The following TCF7L2 variants were observed in gnomAD, a reference collection of about 807,000 sequenced individuals.
TCF7L2 encodes transcription factor 7-like 2.
Under a neutral mutation model 77.9 loss-of-function variants are expected in TCF7L2, and 23 were observed. The observed-to-expected ratio is 0.30, with a 90% CI of 0.21 to 0.42. The LOEUF is 0.42. Among genes scored for constraint, TCF7L2 ranks in the 10% least tolerant of loss-of-function variants. The pLI is 1.00. For missense variants in TCF7L2, 654 were observed against 793.1 expected (o/e 0.82, Z 2.11); for synonymous variants, 413 against 340.2 (o/e 1.21, Z -2.36).
intron 4 of TCF7L2, among the ~76,000 whole-genome samples, chr10:113,007,154 G>A (rs1414278167): frequency 6.6e-6 from 1 of 152,352 alleles, no homozygotes; most frequent in African/African-American, 2.4e-5. Context: ...ATGGGGGCAC[G>A]TTGTGTGAGA....
chr10:113,071,273 G>T (rs548891796), intron 5 of TCF7L2, among the ~76,000 whole-genome samples: 1 of 152,164 alleles, frequency 6.6e-6, no homozygotes, highest in Non-Finnish European at 1.5e-5. Context: ...TGCTGGGTTA[G>T]CCCAGGACTT....
intron 7 of TCF7L2, 63 bp from the exon 8 acceptor site, chr10:113,145,948 C>A: frequency 7.2e-7 from 1 of 1,379,334 alleles, no homozygotes; most frequent in South Asian, 1.2e-5. Context: ...CCCTTTTCTT[C>A]TTTTTCTTGT....
chr10:113,054,692 C>G (rs1591070343), intron 5 of TCF7L2, among the ~76,000 whole-genome samples: 1 of 152,174 alleles, frequency 6.6e-6, no homozygotes, highest in East Asian at 1.9e-4. Flanking sequence ...TCTTCCCTCC[C>G]AGGCTGTTAT....
intron 5 of TCF7L2, chr10:113,126,939 A>G (rs2065740247): frequency 1.5e-5 from 15 of 985,028 alleles, no homozygotes; most frequent in Non-Finnish European, 1.8e-5. Context: ...GGCCCGCTGC[A>G]TCCCGCGCGC....
intron 5 of TCF7L2, among the ~76,000 whole-genome samples, chr10:113,054,585 C>A (rs562118265): frequency 1.7e-3 from 253 of 151,960 alleles, no homozygotes; most frequent in Middle Eastern, 3.4e-3. Flanking sequence ...ACAACAACAA[C>A]AAAAAAATAC....
chr10:113,012,819 T>C (rs1201220243), intron 4 of TCF7L2, among the ~76,000 whole-genome samples: 1 of 152,202 alleles, frequency 6.6e-6, no homozygotes, highest in African/African-American at 2.4e-5. Flanking sequence ...ATATTTTTCT[T>C]AAAAATAACA....
At chr10:113,105,073 T>A (rs1410123294) in intron 5 of TCF7L2, among the ~76,000 whole-genome samples, 1 of 152,234 alleles carries the variant, frequency 6.6e-6, no homozygotes, top group Non-Finnish European at 1.5e-5. Context: ...TTACTGCTTC[T>A]GGACACAAAT....
intron 5 of TCF7L2, among the ~76,000 whole-genome samples, chr10:113,063,336 G>T (rs1334582081): frequency 6.6e-6 from 1 of 152,134 alleles, no homozygotes; most frequent in Non-Finnish European, 1.5e-5. Flanking sequence ...CATGGGCTTC[G>T]GGGGCCACCC....
chr10:113,154,299 C>T (rs2071385855), intron 11 of TCF7L2, among the ~76,000 whole-genome samples: 1 of 152,200 alleles, frequency 6.6e-6, no homozygotes, highest in Non-Finnish European at 1.5e-5. Context: ...CATTTCAGGA[C>T]AGCTGCTCTC....
chr10:113,150,908 G>GTT (rs879356800), intron 8 of TCF7L2, 90 bp from the exon 9 acceptor site: 13,187 of 1,293,496 alleles, frequency 0.01, no homozygotes, highest in Admixed American at 0.018. Flanking sequence ...GTTACGTGCT[G>GTT]TTTTTTTTTT....
At chr10:113,031,227 A>C (rs1028936397) in intron 4 of TCF7L2, among the ~76,000 whole-genome samples, 4 of 152,248 alleles carry the variant, frequency 2.6e-5, no homozygotes, top group Non-Finnish European at 4.4e-5. Context: ...AAAAGGATGT[A>C]GTGACAATCA....
intron 4 of TCF7L2, among the ~76,000 whole-genome samples, chr10:113,032,240 T>A (rs930125757): frequency 1.3e-4 from 20 of 152,226 alleles, no homozygotes; most frequent in African/African-American, 4.6e-4. Flanking sequence ...ATTGTCCGTG[T>A]GTGAGCTGCT....
chr10:113,130,258 G>C (rs938896394), intron 5 of TCF7L2, among the ~76,000 whole-genome samples: 1 of 152,164 alleles, frequency 6.6e-6, no homozygotes, highest in Non-Finnish European at 1.5e-5. Flanking sequence ...CACTTCTATG[G>C]TAAGGCAGAC....
chr10:113,130,131 G>A (rs976033914), intron 5 of TCF7L2: 3 of 663,776 alleles, frequency 4.5e-6, no homozygotes, highest in Non-Finnish European at 5.9e-6. Context: ...AGAATAAATG[G>A]TCAACTCAAG....
chr10:112,957,720 G>A (rs1033562293), intron 3 of TCF7L2, among the ~76,000 whole-genome samples: 2 of 152,168 alleles, frequency 1.3e-5, no homozygotes, highest in African/African-American at 4.8e-5. Flanking sequence ...TACCCAGGGT[G>A]TTCTACCTAG....
intron 3 of TCF7L2, among the ~76,000 whole-genome samples, chr10:112,955,277 C>T (rs2033233142): frequency 3.9e-5 from 6 of 152,144 alleles, no homozygotes; most frequent in Admixed American, 3.9e-4. Flanking sequence ...GGTATTTATG[C>T]TAATTGTTTT....
intron 5 of TCF7L2, among the ~76,000 whole-genome samples, chr10:113,059,316 C>T (rs2056007307): frequency 6.6e-6 from 1 of 152,076 alleles, no homozygotes; most frequent in African/African-American, 2.4e-5. Flanking sequence ...GCTTTCAAGG[C>T]TGGACCACTT....
intron 1 of TCF7L2, 88 bp downstream of exon 1, chr10:112,951,033 G>C: frequency 6.7e-7 from 1 of 1,483,932 alleles, no homozygotes; most frequent in Non-Finnish European, 9.0e-7. Flanking sequence ...TCGGGGCTGG[G>C]GGCGGCGGCG....
intron 4 of TCF7L2, among the ~76,000 whole-genome samples, chr10:113,014,689 G>T (rs2047042642): frequency 6.6e-6 from 1 of 152,166 alleles, no homozygotes; most frequent in Non-Finnish European, 1.5e-5. Flanking sequence ...GGAGGCTGAG[G>T]CAGGGAGAAT....
Sources: gnomAD v4.1 joint callset for allele counts (sites outside exome capture counted in the v4.1 genomes callset) on GRCh38, gnomAD v4.1.1 for gene constraint, MANE v1.5 for transcripts, NCBI Gene and HGNC (gene_info 2026-07-23, HGNC 2026-07-21) for gene names.